Variants in MKRN2OS observed in about 807,000 individuals in gnomAD.
MKRN2OS encodes the protein MKRN2 opposite strand, also known as MKRN2 opposite strand protein.
Under a neutral mutation model 18.2 loss-of-function variants are expected in MKRN2OS, and 17 were observed. The ratio of observed to expected loss-of-function variants is 0.93; its 90% CI spans 0.64 to 1.40. The LOEUF is 1.40. Ranked by LOEUF, MKRN2OS falls within the 40% of genes most tolerant of loss-of-function variation. MKRN2OS has a pLI of 0.00. For missense variants in MKRN2OS, 337 were observed against 283.0 expected (o/e 1.19, Z -1.37); for synonymous variants, 121 against 108.5 (o/e 1.12, Z -0.72).
intron 1 of MKRN2OS, among the ~76,000 whole-genome samples, chr3:12,557,421 C>T (rs1019274182): frequency 6.6e-6 from 1 of 152,252 alleles, no homozygotes; most frequent in Admixed American, 6.5e-5. Flanking sequence ...TGAAGCGTGG[C>T]CCCTGTGGGC....
chr3:12,540,926 T>C (rs1269145711), intron 3 of MKRN2OS, among the ~76,000 whole-genome samples: 1 of 150,272 alleles, frequency 6.7e-6, no homozygotes, highest in Non-Finnish European at 1.5e-5. Flanking sequence ...CTTGGTCTCT[T>C]GGGCCGTTTC....
At chr3:12,559,793 G>A (rs756956705) in intron 1 of MKRN2OS, among the ~76,000 whole-genome samples, 2 of 152,036 alleles carry the variant, frequency 1.3e-5, no homozygotes, top group Admixed American at 6.6e-5. Flanking sequence ...GTCTGTTTTC[G>A]GAGCCCTGGG....
intron 1 of MKRN2OS, chr3:12,557,108 G>A (rs1575512366): frequency 6.7e-7 from 1 of 1,491,692 alleles, no homozygotes; most frequent in Non-Finnish European, 8.9e-7. Context: ...GGCAGCGGCT[G>A]CGAGAGGCGG....
At chr3:12,551,177 C>A (rs1239562665), downstream of MKRN2OS, among the ~76,000 whole-genome samples, 1 of 148,006 alleles carries the variant, frequency 6.8e-6, no homozygotes, top group Non-Finnish European at 1.5e-5. Context: ...CACCACCCCT[C>A]TGTCATTACA....
Position 12,545,246 on chromosome 3 carries a change from C to T in MKRN2OS, c.218+1G>A. 3.9e-6 allele frequency: 6 copies of T among 1,530,818 alleles called. No individual in the cohort carries two copies. The highest frequency in any genetic ancestry group is 1.2e-5 in the South Asian group (1 of 83,364). The allele number at this position is 1,530,818 out of a possible 1,614,324, so 94.8% of individuals were successfully genotyped here. On this transcript the variant is annotated splice_donor_variant, in intron 1 of 3. Coordinates refer to ENST00000564146, the MANE Select transcript of MKRN2OS (RefSeq NM_001195279.2). LOFTEE classifies it high-confidence loss of function. ...ATTTAACACTGTAAAAAACACTGTA[C>T]CTAAGAAATGTCCCCTGAGTTGGTC...
intron 1 of MKRN2OS, among the ~76,000 whole-genome samples, chr3:12,559,055 A>G (rs759044037): frequency 6.6e-6 from 1 of 152,214 alleles, no homozygotes; most frequent in Non-Finnish European, 1.5e-5. Context: ...AAATTTATTT[A>G]TTGCAGGACT....
chr3:12,557,090 G>T (rs1178044847), intron 1 of MKRN2OS: 19 of 1,477,180 alleles, frequency 1.3e-5, no homozygotes, highest in South Asian at 3.8e-5. Context: ...CAGGGCCAAG[G>T]CCGAGGCGGC....
downstream of MKRN2OS, among the ~76,000 whole-genome samples, chr3:12,551,494 C>CA (rs11454728): frequency 0.11 from 12,807 of 117,354 alleles, 633 homozygotes; most frequent in Admixed American, 0.2. Flanking sequence ...GACTCCATCT[C>CA]AAAAAAAAAA....
chr3:12,546,941 A>G (rs73126380), upstream of MKRN2OS, among the ~76,000 whole-genome samples: 1,837 of 152,174 alleles, frequency 0.012, 28 homozygotes, highest in African/African-American at 0.042. Flanking sequence ...GATGGGGTGT[A>G]CAATTTAAAA....
At chr3:12,560,316 T>A (rs538943871) in intron 1 of MKRN2OS, among the ~76,000 whole-genome samples, 1 of 152,222 alleles carries the variant, frequency 6.6e-6, no homozygotes, top group East Asian at 1.9e-4. Context: ...CTTCAGTGTC[T>A]TCACCACCAC....
downstream of MKRN2OS, among the ~76,000 whole-genome samples, chr3:12,552,365 C>T (rs571665889): frequency 2.6e-5 from 4 of 151,096 alleles, no homozygotes; most frequent in Non-Finnish European, 5.9e-5. Context: ...ATCTGAATAG[C>T]TTTATATATA....
chr3:12,553,344 T>C (rs180777403), downstream of MKRN2OS, among the ~76,000 whole-genome samples: 2 of 152,134 alleles, frequency 1.3e-5, no homozygotes, highest in Admixed American at 1.3e-4. Flanking sequence ...CCTGAGCAAT[T>C]GGGTAGGGTT....
intron 1 of MKRN2OS, among the ~76,000 whole-genome samples, chr3:12,544,099 A>T (rs2057853474): frequency 6.6e-6 from 1 of 152,130 alleles, no homozygotes; most frequent in Non-Finnish European, 1.5e-5. Flanking sequence ...AAAACCTTTT[A>T]CATACTTTGG....
chr3:12,556,929 A>G (rs1274746212), intron 1 of MKRN2OS: 1 of 415,840 alleles, frequency 2.4e-6, no homozygotes, highest in East Asian at 3.8e-5. Context: ...CACCGAGAGC[A>G]GGGATGCCGG....
chr3:12,557,045 G>T, intron 1 of MKRN2OS: 1 of 1,226,864 alleles, frequency 8.2e-7, no homozygotes. Context: ...GCCGGCGTGC[G>T]CCGGCGTGAC....
At position 12,541,897 on chromosome 3, in the gene MKRN2OS, C is replaced by T; in HGVS notation, c.394G>A (p.Glu132Lys). The T allele has an allele frequency of 6.5e-7, 1 of 1,535,998 alleles. No homozygotes were observed. The highest frequency in any genetic ancestry group is 1.2e-5 in the South Asian group (1 of 84,040). ...GMMEQWDKYL[E>K]DFSTSGAWLP... ...CAGGCCCCCGAGGTGGAGAAGTCTT[C>T]CAGGTACTTGTCCCATTGCTCCATC... Residue 132 changes from glutamate (E) to lysine (K), a missense_variant, in exon 3 of 4, where the codon GAA (glutamate) becomes AAA (lysine). Coordinates refer to ENST00000564146, the MANE Select transcript of MKRN2OS (RefSeq NM_001195279.2).
chr3:12,555,749 G>A (rs34398237), intron 1 of MKRN2OS, among the ~76,000 whole-genome samples: 22,648 of 152,166 alleles, frequency 0.15, 1,846 homozygotes, highest in Admixed American at 0.22. Context: ...ATAATATCCA[G>A]CCCCCACCCA....
intron 2 of MKRN2OS, among the ~76,000 whole-genome samples, chr3:12,542,728 A>C (rs547664997): frequency 0.029 from 1,968 of 68,840 alleles, 37 homozygotes; most frequent in Admixed American, 0.034. Context: ...AAAAAAAAAA[A>C]AAAAAACACT....
chr3:12,540,877 CAAAAAA>C (rs11369647), intron 3 of MKRN2OS, among the ~76,000 whole-genome samples: 13 of 59,674 alleles, frequency 2.2e-4, no homozygotes, highest in East Asian at 1.2e-3. Flanking sequence ...GACTCCATCT[CAAAAAA>C]AAAAAAAAAA....
Sources: allele counts gnomAD v4.1 joint callset (sites outside exome capture counted in the v4.1 genomes callset), GRCh38; gene constraint gnomAD v4.1.1; transcripts MANE v1.5; gene names NCBI Gene and HGNC (gene_info 2026-07-23, HGNC 2026-07-21).